Variants in GABRG3 observed in about 807,000 individuals in gnomAD.
GABRG3 encodes the protein gamma-aminobutyric acid type A receptor subunit gamma3.
Under a neutral mutation model 48.8 loss-of-function variants are expected in GABRG3, and 25 were observed. The ratio of observed to expected loss-of-function variants is 0.51; its 90% CI spans 0.37 to 0.72. The LOEUF is 0.72. Among genes scored for constraint, GABRG3 ranks in the 30% least tolerant of loss-of-function variants. The probability of loss-of-function intolerance (pLI) is 0.00; values close to 1 mark genes in which losing one functional copy is unlikely to be tolerated. For missense variants in GABRG3, 394 were observed against 577.9 expected, an observed-to-expected ratio of 0.68 and a Z score of 3.26; for synonymous variants, 227 against 217.6, an observed-to-expected ratio of 1.04 and a Z score of -0.38.
At chr15:27,458,082 C>T (rs1889337806) in intron 5 of GABRG3, among the ~76,000 whole-genome samples, 1 of 151,998 alleles carries the variant, frequency 6.6e-6, no homozygotes, top group Non-Finnish European at 1.5e-5. Flanking sequence ...TGTCTCAGTC[C>T]CCCCTCCCTG....
chr15:27,386,354 C>A (rs1337453042), intron 5 of GABRG3, among the ~76,000 whole-genome samples: 1 of 152,166 alleles, frequency 6.6e-6, no homozygotes, highest in Non-Finnish European at 1.5e-5. Context: ...CTAGCCTCTT[C>A]TAAGTTGGTC....
chr15:27,150,904 G>A (rs1356001827), intron 3 of GABRG3, among the ~76,000 whole-genome samples: 1 of 152,220 alleles, frequency 6.6e-6, no homozygotes. Context: ...TCAGAGGGAG[G>A]AGTTCAGCAG....
chr15:27,394,432 A>G (rs1463887579), intron 5 of GABRG3, among the ~76,000 whole-genome samples: 1 of 152,136 alleles, frequency 6.6e-6, no homozygotes, highest in Non-Finnish European at 1.5e-5. Flanking sequence ...GCACAGTTTA[A>G]TAACTTTTGG....
chr15:26,998,660 G>C (rs1895385072), intron 2 of GABRG3, among the ~76,000 whole-genome samples: 2 of 152,210 alleles, frequency 1.3e-5, no homozygotes, highest in Non-Finnish European at 2.9e-5. Flanking sequence ...GCTGGAGAGA[G>C]TGAGAAACAC....
intron 3 of GABRG3, among the ~76,000 whole-genome samples, chr15:27,306,089 CTA>C (rs1240234421): frequency 6.1e-5 from 6 of 97,622 alleles, no homozygotes; most frequent in Admixed American, 1.2e-4. Flanking sequence ...TAATATAAAC[CTA>C]TATGTTTATA....
intron 6 of GABRG3, among the ~76,000 whole-genome samples, chr15:27,490,463 C>G (rs559466127): frequency 2.6e-5 from 4 of 152,176 alleles, no homozygotes; most frequent in African/African-American, 7.2e-5. Flanking sequence ...CTTGGCCAGA[C>G]GTCCATTTTC....
intron 3 of GABRG3, among the ~76,000 whole-genome samples, chr15:27,313,890 A>G (rs1365043255): frequency 6.6e-6 from 1 of 152,104 alleles, no homozygotes; most frequent in Non-Finnish European, 1.5e-5. Context: ...CCTGAAGTAA[A>G]CAACCTAACT....
At chr15:27,128,358 A>G (rs1201260596) in intron 3 of GABRG3, among the ~76,000 whole-genome samples, 1 of 152,156 alleles carries the variant, frequency 6.6e-6, no homozygotes, top group African/African-American at 2.4e-5. Flanking sequence ...CCCTTCATGC[A>G]TGATCAACCC....
chr15:27,248,639 G>A (rs750304681), intron 3 of GABRG3, among the ~76,000 whole-genome samples: 2 of 152,076 alleles, frequency 1.3e-5, no homozygotes, highest in Non-Finnish European at 2.9e-5. Context: ...GCCCACAGAG[G>A]TCTAGCATGT....
At chr15:27,208,323 T>C (rs562288159) in intron 3 of GABRG3, 8 of 221,540 alleles carry the variant, frequency 3.6e-5, no homozygotes, top group African/African-American at 1.6e-4. Flanking sequence ...GTGAAGTCTG[T>C]AGCCCTTTCA....
chr15:27,493,770 G>A (rs536826139), intron 6 of GABRG3, among the ~76,000 whole-genome samples: 1 of 152,218 alleles, frequency 6.6e-6, no homozygotes, highest in East Asian at 1.9e-4. Context: ...ATGAAGTAAC[G>A]CCAATACCTA....
chr15:27,088,285 C>T (rs1317099030), intron 3 of GABRG3, among the ~76,000 whole-genome samples: 1 of 131,548 alleles, frequency 7.6e-6, no homozygotes, highest in Non-Finnish European at 1.6e-5. Flanking sequence ...GGGCGCGGGC[C>T]AGGAGTGGGA....
At chr15:27,102,447 A>G (rs1897378129) in intron 3 of GABRG3, among the ~76,000 whole-genome samples, 1 of 152,212 alleles carries the variant, frequency 6.6e-6, no homozygotes, top group Non-Finnish European at 1.5e-5. Flanking sequence ...CCATAATAAC[A>G]ATAACAACAA....
At chr15:27,053,961 G>T (rs1330373557) in intron 3 of GABRG3, among the ~76,000 whole-genome samples, 1 of 152,216 alleles carries the variant, frequency 6.6e-6, no homozygotes, top group Non-Finnish European at 1.5e-5. Flanking sequence ...AGACACTGGG[G>T]ACTTCAAAAG....
chr15:27,333,598 A>G (rs1893871872), intron 5 of GABRG3, among the ~76,000 whole-genome samples: 1 of 152,156 alleles, frequency 6.6e-6, no homozygotes, highest in African/African-American at 2.4e-5. Flanking sequence ...ACTTACTCAC[A>G]TCTTTGAAGT....
At chr15:27,044,819 G>C (rs904652363) in intron 3 of GABRG3, among the ~76,000 whole-genome samples, 1 of 152,222 alleles carries the variant, frequency 6.6e-6, no homozygotes, top group Non-Finnish European at 1.5e-5. Flanking sequence ...TTAACCAGTT[G>C]GCCGCCTGTG....
At chr15:27,099,247 C>T (rs1897315684) in intron 3 of GABRG3, among the ~76,000 whole-genome samples, 1 of 152,190 alleles carries the variant, frequency 6.6e-6, no homozygotes, top group South Asian at 2.1e-4. Context: ...ACTCTGATGA[C>T]AGTAGACTGT....
chr15:27,109,926 A>T (rs1342213156), intron 3 of GABRG3, among the ~76,000 whole-genome samples: 1 of 152,140 alleles, frequency 6.6e-6, no homozygotes, highest in Non-Finnish European at 1.5e-5. Flanking sequence ...TAAAAACAGC[A>T]TTTAGCTGGG....
chr15:27,508,279 T>C (rs1369230787), intron 6 of GABRG3, among the ~76,000 whole-genome samples: 1 of 152,216 alleles, frequency 6.6e-6, no homozygotes, highest in Non-Finnish European at 1.5e-5. Context: ...GCTCCAATTT[T>C]GTTTTCTGTT....
Sources: allele counts gnomAD v4.1 joint callset (sites outside exome capture counted in the v4.1 genomes callset), GRCh38; gene constraint gnomAD v4.1.1; transcripts MANE v1.5; gene names NCBI Gene and HGNC (gene_info 2026-07-23, HGNC 2026-07-21).